DHX57: variants seen among roughly 807,000 people sequenced by gnomAD.
The protein encoded by DHX57 is putative ATP-dependent RNA helicase DHX57.
A neutral mutation model predicts 156.2 loss-of-function variants in DHX57; 105 were observed. That is an observed-to-expected ratio of 0.67 (90% CI 0.57 to 0.79). DHX57 has a LOEUF of 0.79. DHX57 is among the 30% of genes least tolerant of loss of function. The pLI is 0.00. For synonymous variants in DHX57, 704 were observed against 595.6 expected (o/e 1.18, Z -2.65); for missense variants, 1,847 against 1,661.9 (o/e 1.11, Z -1.94).
rs560499596 is a variant in DHX57, at chr2:38,842,855, A to C, written c.2425+150T>G. 8.2e-5 allele frequency: 64 copies of C among 777,270 alleles called. No homozygotes were observed. The South Asian group carries it at 1.2e-3, about 15-fold the overall frequency. The allele number at this position is 777,270 out of a possible 1,614,324, so 48.1% of individuals were successfully genotyped here. On this transcript the variant is annotated intron_variant, in intron 12 of 23. Transcript: ENST00000457308. ...AATTGTATTCTAAATATGTATCTGA[A>C]CTATTTTTCTAGGTTTAAGGTTGCT...
rs752021321 is a variant in DHX57 at position 38,806,661 on chromosome 2, G to A, written c.3714C>T (p.Thr1238=). ...VKSPEGKFQK[T]STGAVRMQPK... Reference sequence around the variant, plus strand: ...GTTGCATTCTGACAGCTCCAGTACTGGTCTTCTGAAATTTTCCTTCTGGGC... The same window carrying A: ...GTTGCATTCTGACAGCTCCAGTACTAGTCTTCTGAAATTTTCCTTCTGGGC... The change falls in exon 22 of 24, where the codon ACC becomes ACT. Residue 1238 remains threonine (T), a synonymous_variant. Transcript: ENST00000457308. 12 of 1,613,700 alleles carry A rather than the reference G, an allele frequency of 7.4e-6. No homozygotes were observed. The African/African-American group carries it at 1.6e-4, about 22-fold the overall frequency.
intron 13 of DHX57, among the ~76,000 whole-genome samples, chr2:38,832,628 C>A (rs1671443358): frequency 6.6e-6 from 1 of 151,320 alleles, no homozygotes; most frequent in East Asian, 1.9e-4. Context: ...TCACTGCAAT[C>A]TCCACATCCT....
intron 16 of DHX57, 143 bp from the exon 17 acceptor site, chr2:38,823,412 AC>A: frequency 1.2e-6 from 1 of 825,614 alleles, no homozygotes; most frequent in Non-Finnish European, 1.8e-6. Flanking sequence ...CTACCAATAA[AC>A]CACAAAAACA....
chr2:38,854,752 G>T, intron 8 of DHX57: 1 of 240,002 alleles, frequency 4.2e-6, no homozygotes, highest in South Asian at 5.5e-5. Context: ...AGTAGAGATG[G>T]GGTTTCTCCA....
Position 38,856,470 on chromosome 2 carries a change from A to C in DHX57, c.1588-9T>G. The C allele has an allele frequency of 6.3e-7, 1 of 1,585,436 alleles. No individual in the cohort carries two copies. Among genetic ancestry groups the C allele is most frequent in the East Asian group, 2.2e-5 (1 of 44,732 alleles). On this transcript the variant is annotated splice_polypyrimidine_tract_variant and intron_variant, in intron 6 of 23. Coordinates refer to ENST00000457308, the MANE Select transcript of DHX57 (RefSeq NM_198963.3). The stretch of plus-strand genomic sequence containing the variant: ...TGGAACTGTCTGGAAGCCTAATAAA[A>C]TCAAAGATAAGATATCAGTTGGGTT...
intron 20 of DHX57, among the ~76,000 whole-genome samples, chr2:38,814,698 AAAC>A (rs1670435104): frequency 6.6e-6 from 1 of 151,276 alleles, no homozygotes; most frequent in Non-Finnish European, 1.5e-5. Flanking sequence ...TAAAAACCAA[AAAC>A]AACAGCAACA....
chr2:38,843,267 A>G lies in DHX57; in HGVS notation c.2220-57T>C, dbSNP rs112432011. On this transcript the variant is annotated intron_variant, in intron 11 of 23. Transcript: ENST00000457308. ...ATGTGGTCCTGTTGGTGAGGAGGGAAAGAATTCACCTGTTTCACGTGCTCG... is the reference window on the plus strand; with the variant it reads ...ATGTGGTCCTGTTGGTGAGGAGGGAGAGAATTCACCTGTTTCACGTGCTCG... 1.9e-5 allele frequency: 30 copies of G among 1,567,152 alleles called. 1 individual carries two copies. Among genetic ancestry groups the G allele is most frequent in the African/African-American group, 1.5e-4 (11 of 74,024 alleles).
intron 13 of DHX57, among the ~76,000 whole-genome samples, chr2:38,833,541 G>A (rs1671492264): frequency 1.3e-5 from 2 of 152,138 alleles, no homozygotes; most frequent in Non-Finnish European, 1.5e-5. Flanking sequence ...GAAAATAAAG[G>A]ATTTAGTTAA....
chr2:38,815,957 C>T, intron 19 of DHX57: 1 of 415,312 alleles, frequency 2.4e-6, no homozygotes, highest in Non-Finnish European at 4.6e-6. Flanking sequence ...TTGGGTAGGC[C>T]TGATTTTCCA....
At chr2:38,862,058 A>C (rs1673256754) in intron 4 of DHX57, 87 bp downstream of exon 4, 12 of 1,426,634 alleles carry the variant, frequency 8.4e-6, no homozygotes, top group Non-Finnish European at 7.5e-6. Flanking sequence ...ACATAATAGG[A>C]AAGTACACAA....
At chr2:38,805,761 T>G (rs1669905097) in intron 22 of DHX57, among the ~76,000 whole-genome samples, 1 of 151,742 alleles carries the variant, frequency 6.6e-6, no homozygotes, top group Admixed American at 6.6e-5. Context: ...CTTTTATGTT[T>G]GAGATGACTA....
intron 2 of DHX57, among the ~76,000 whole-genome samples, chr2:38,866,065 G>A (rs978017204): frequency 1.6e-5 from 2 of 126,586 alleles, no homozygotes; most frequent in Admixed American, 8.4e-5. Flanking sequence ...ATCCTGGTGT[G>A]GGGCTATAAC....
At chr2:38,798,694 C>G (rs1027607189) in intron 23 of DHX57, among the ~76,000 whole-genome samples, 4 of 152,206 alleles carry the variant, frequency 2.6e-5, no homozygotes, top group Non-Finnish European at 5.9e-5. Context: ...GCCTGTAATC[C>G]CAGCACTTTG....
chr2:38,836,775 CAA>C (rs964200602), intron 13 of DHX57, among the ~76,000 whole-genome samples: 82 of 42,448 alleles, frequency 1.9e-3, no homozygotes, highest in African/African-American at 5.4e-3. Flanking sequence ...GACCCTGTCT[CAA>C]AAAAAAAAAA....
chr2:38,821,079 G>A (rs531295336), intron 17 of DHX57, among the ~76,000 whole-genome samples: 6 of 151,772 alleles, frequency 4.0e-5, no homozygotes, highest in Admixed American at 1.3e-4. Flanking sequence ...AAAAAATTGC[G>A]AACTCACAAA....
chr2:38,868,441 C>T (rs1334784460), intron 1 of DHX57, 30 bp from the exon 2 acceptor site: 1 of 1,599,544 alleles, frequency 6.3e-7, no homozygotes, highest in Non-Finnish European at 8.5e-7. Flanking sequence ...ATGTAGACAT[C>T]ATAAAACCAG....
In DHX57 at chr2:38,861,643, T is replaced by A; in HGVS notation, c.767A>T (p.Lys256Met). 6.2e-7 allele frequency: 1 copy of A among 1,614,208 alleles called. No homozygotes were observed. The highest frequency in any genetic ancestry group is 8.5e-7 in the Non-Finnish European group (1 of 1,180,040). The change falls in exon 5 of 24, where the codon AAG (lysine) becomes ATG (methionine). Residue 256 changes from lysine to methionine, a missense_variant. Physicochemically the swap from Lys to Met is moderately conservative, Grantham distance 95. Coordinates refer to ENST00000457308, the MANE Select transcript of DHX57 (RefSeq NM_198963.3). Reference sequence around the variant, plus strand: ...TATAAATTTTTCTCCACAGATGGACTTGAGAGCAAATGCCTCTTCCTGTCG... The same window carrying A: ...TATAAATTTTTCTCCACAGATGGACATGAGAGCAAATGCCTCTTCCTGTCG... ...EQRQEEAFALKSICGEKFIER... is the reference protein window; with the variant it reads ...EQRQEEAFALMSICGEKFIER...
At position 38,837,934 on chromosome 2, in the gene DHX57, T is replaced by C. The variant is rs758203587; in HGVS notation, c.2439A>G (p.Ser813=). ...LLARYKGVSK[S]VIKTMSIMDF... Reference sequence around the variant, plus strand: ...CCATGATGGACATTGTTTTGATGACTGACTTGCTAACCCCTGAAAGAAAGA... The same window carrying C: ...CCATGATGGACATTGTTTTGATGACCGACTTGCTAACCCCTGAAAGAAAGA... The change falls in exon 13 of 24, where the codon TCA becomes TCG. Residue 813 remains serine, a synonymous_variant. Transcript: ENST00000457308. 5.6e-6 allele frequency: 9 copies of C among 1,610,312 alleles called. No individual in the cohort carries two copies. The East Asian group carries it at 1.8e-4, about 32-fold the overall frequency.
At chr2:38,838,847 C>T (rs560913433) in intron 12 of DHX57, 1 of 452,732 alleles carries the variant, frequency 2.2e-6, no homozygotes, top group Non-Finnish European at 4.4e-6. Flanking sequence ...ACAATCTCCC[C>T]ACTCACAATC....
Sources: gnomAD v4.1 joint callset for allele counts (sites outside exome capture counted in the v4.1 genomes callset) on GRCh38, gnomAD v4.1.1 for gene constraint, MANE v1.5 for transcripts, NCBI Gene and HGNC (gene_info 2026-07-23, HGNC 2026-07-21) for gene names.